TBC1D22A: variants seen among roughly 807,000 people sequenced by gnomAD.
The protein encoded by TBC1D22A is putative GTPase activator.
Under a neutral mutation model 60.2 loss-of-function variants are expected in TBC1D22A, and 38 were observed. The ratio of observed to expected loss-of-function variants is 0.63; its 90% confidence interval spans 0.49 to 0.83. The LOEUF is 0.83. TBC1D22A is among the 40% of genes least tolerant of loss of function. TBC1D22A has a pLI of 0.00. For synonymous variants in TBC1D22A, 302 were observed against 281.7 expected, an observed-to-expected ratio of 1.07 and a Z score of -0.72; for missense variants, 628 against 701.0, an observed-to-expected ratio of 0.90 and a Z score of 1.18.
rs146301997 is a variant in TBC1D22A, at chr22:46,953,402, C to T, written c.1016-20888C>T. On this transcript the variant is annotated intron_variant, in intron 8 of 12. Transcript: ENST00000337137. ...TTGTATTAAAACCAAGATCTGTATG[C>T]CTGGTATGTTCCTTGTCAATTATCT... 4.6e-3 allele frequency among the ~76,000 whole-genome samples: 701 copies of T among 152,026 alleles called. 6 individuals carry two copies. Among genetic ancestry groups the T allele is most frequent in the African/African-American group, 0.016 (667 of 41,452 alleles).
intron 4 of TBC1D22A, among the ~76,000 whole-genome samples, chr22:46,840,601 T>C (rs933785627): frequency 6.6e-6 from 1 of 151,720 alleles, no homozygotes; most frequent in Non-Finnish European, 1.5e-5. Flanking sequence ...GGCATGGTAG[T>C]GTGCGCCTGT....
intron 8 of TBC1D22A, among the ~76,000 whole-genome samples, chr22:46,941,226 C>CACACACACACACAG: frequency 7.3e-6 from 1 of 136,844 alleles, no homozygotes; most frequent in Non-Finnish European, 1.6e-5. Flanking sequence ...CACACACACA[C>CACACACACACACAG]ACACACACAC....
intron 4 of TBC1D22A, among the ~76,000 whole-genome samples, chr22:46,841,480 C>G (rs1369635733): frequency 6.6e-6 from 1 of 152,150 alleles, no homozygotes; most frequent in Non-Finnish European, 1.5e-5. Context: ...TTTAACAGTA[C>G]TAATGGAGTG....
chr22:46,815,245 C>T (rs1464022259), intron 4 of TBC1D22A, among the ~76,000 whole-genome samples: 5 of 152,162 alleles, frequency 3.3e-5, no homozygotes, highest in African/African-American at 1.2e-4. Context: ...GGCGAGGACT[C>T]GGTGTTAAAC....
At chr22:46,978,050 C>T (rs1157252537) in intron 9 of TBC1D22A, among the ~76,000 whole-genome samples, 1 of 152,242 alleles carries the variant, frequency 6.6e-6, no homozygotes, top group Admixed American at 6.5e-5. Flanking sequence ...GAGCGAACAG[C>T]GCTGACTCCA....
At chr22:47,154,005 G>A (rs143956795) in intron 12 of TBC1D22A, among the ~76,000 whole-genome samples, 25 of 152,248 alleles carry the variant, frequency 1.6e-4, no homozygotes, top group African/African-American at 6.0e-4. Flanking sequence ...GTAGGAGGAG[G>A]TGTGAGTGGC....
chr22:47,057,039 A>G (rs556288947), intron 11 of TBC1D22A, among the ~76,000 whole-genome samples: 5 of 152,314 alleles, frequency 3.3e-5, no homozygotes, highest in African/African-American at 9.6e-5. Context: ...AGGTCAGCCC[A>G]CCTGGCAGGT....
intron 4 of TBC1D22A, among the ~76,000 whole-genome samples, chr22:46,847,027 G>A (rs1464166511): frequency 6.6e-6 from 1 of 152,154 alleles, no homozygotes; most frequent in African/African-American, 2.4e-5. Flanking sequence ...GTCCAGGGCC[G>A]GGCCTTGGAG....
chr22:46,834,490 G>C (rs2086438358), intron 4 of TBC1D22A, among the ~76,000 whole-genome samples: 1 of 152,156 alleles, frequency 6.6e-6, no homozygotes, highest in South Asian at 2.1e-4. Flanking sequence ...CTTGGTTCTT[G>C]ATTTCTCTCA....
rs2062736708 is a variant in TBC1D22A at position 47,038,679 on chromosome 22, T to C, written c.1329+1481T>C. Among the ~76,000 whole-genome samples, 2 of 152,206 alleles carry C rather than the reference T, an allele frequency of 1.3e-5. 1 individual carries two copies. The highest frequency in any genetic ancestry group is 2.9e-5 in the Non-Finnish European group (2 of 68,032). On this transcript the variant is annotated intron_variant, in intron 11 of 12. Coordinates refer to ENST00000337137, the MANE Select transcript of TBC1D22A (RefSeq NM_014346.5). ...TGTGCCCCTTGGTGGGTGTGAGTGT[T>C]TTGTGGCTCTGAAGTCCTGTATTCT...
At chr22:47,150,302 C>T (rs2067453434) in intron 12 of TBC1D22A, among the ~76,000 whole-genome samples, 1 of 152,164 alleles carries the variant, frequency 6.6e-6, no homozygotes, top group African/African-American at 2.4e-5. Flanking sequence ...GTGGGCGGCC[C>T]TCCTGGCTGC....
intron 12 of TBC1D22A, among the ~76,000 whole-genome samples, chr22:47,137,251 A>C (rs1403889981): frequency 6.6e-6 from 1 of 152,186 alleles, no homozygotes; most frequent in Non-Finnish European, 1.5e-5. Flanking sequence ...CACACAGAAG[A>C]AGTTGCATTG....
intron 4 of TBC1D22A, among the ~76,000 whole-genome samples, chr22:46,851,178 G>T (rs1428945248): frequency 1.3e-5 from 2 of 152,226 alleles, no homozygotes; most frequent in Admixed American, 1.3e-4. Context: ...ATACCTGTTG[G>T]CTTTGCCGTG....
At chr22:46,967,915 A>G (rs1281211432) in intron 8 of TBC1D22A, among the ~76,000 whole-genome samples, 1 of 151,774 alleles carries the variant, frequency 6.6e-6, no homozygotes, top group African/African-American at 2.4e-5. Context: ...CCCCCTGGTA[A>G]TTACAAACTA....
intron 11 of TBC1D22A, among the ~76,000 whole-genome samples, chr22:47,099,617 G>T (rs547419290): frequency 3.0e-4 from 46 of 152,054 alleles, no homozygotes; most frequent in Admixed American, 1.7e-3. Context: ...AGCTAATTTT[G>T]TATTTTTAGT....
intron 12 of TBC1D22A, among the ~76,000 whole-genome samples, chr22:47,133,153 G>A (rs1364984369): frequency 1.3e-5 from 2 of 152,260 alleles, no homozygotes; most frequent in African/African-American, 2.4e-5. Flanking sequence ...TTTGGCATTT[G>A]AGCATAAATT....
At chr22:46,865,042 C>T (rs937668703) in intron 4 of TBC1D22A, among the ~76,000 whole-genome samples, 5 of 152,138 alleles carry the variant, frequency 3.3e-5, no homozygotes, top group Non-Finnish European at 7.3e-5. Context: ...GTGGTCTCAC[C>T]GAACCCACAC....
chr22:46,774,168 C>G (rs1469151840), intron 1 of TBC1D22A: 2 of 985,606 alleles, frequency 2.0e-6, no homozygotes, highest in Non-Finnish European at 1.2e-6. Context: ...AGCCTGAGGC[C>G]TGGCTCCTCC....
chr22:47,084,702 G>A (rs943113275), intron 11 of TBC1D22A, among the ~76,000 whole-genome samples: 4 of 152,190 alleles, frequency 2.6e-5, no homozygotes, highest in Non-Finnish European at 5.9e-5. Flanking sequence ...GCTACACGAA[G>A]TAATGTGAAT....
Sources: gnomAD v4.1 joint callset for allele counts (sites outside exome capture counted in the v4.1 genomes callset) on GRCh38, gnomAD v4.1.1 for gene constraint, MANE v1.5 for transcripts, NCBI Gene and HGNC (gene_info 2026-07-23, HGNC 2026-07-21) for gene names.